Variants in STIM1 observed in about 807,000 individuals in gnomAD.
STIM1 encodes stromal interaction molecule 1.
A neutral mutation model predicts 74.7 loss-of-function variants in STIM1; 25 were observed. That is an observed-to-expected ratio of 0.33 (90% CI 0.24 to 0.47). The LOEUF is 0.47. Among genes scored for constraint, STIM1 ranks in the 20% least tolerant of loss-of-function variants. STIM1 has a pLI of 1.00. For synonymous variants in STIM1, 328 were observed against 348.8 expected (o/e 0.94, Z 0.66); for missense variants, 728 against 920.8 (o/e 0.79, Z 2.71).
chr11:4,048,319 A>G (rs1157977227), intron 3 of STIM1, among the ~76,000 whole-genome samples: 1 of 152,244 alleles, frequency 6.6e-6, no homozygotes, highest in Non-Finnish European at 1.5e-5. Context: ...TATTTTTATT[A>G]TAATGTTATT....
chr11:3,958,394 T>G (rs2093243862), intron 1 of STIM1, among the ~76,000 whole-genome samples: 1 of 152,012 alleles, frequency 6.6e-6, no homozygotes, highest in Non-Finnish European at 1.5e-5. Context: ...TGTGTTAGTG[T>G]TGCTTGGGCA....
chr11:4,004,197 A>G (rs1415347417), intron 2 of STIM1, among the ~76,000 whole-genome samples: 1 of 152,240 alleles, frequency 6.6e-6, no homozygotes, highest in Non-Finnish European at 1.5e-5. Flanking sequence ...TGCCATCCCC[A>G]TCAAACTACC....
chr11:3,904,156 C>G (rs1249482232), intron 1 of STIM1, among the ~76,000 whole-genome samples: 1 of 138,646 alleles, frequency 7.2e-6, no homozygotes, highest in Non-Finnish European at 1.5e-5. Flanking sequence ...GAGATCGCTC[C>G]ACTGTACTCC....
intron 7 of STIM1, among the ~76,000 whole-genome samples, chr11:4,075,341 A>G (rs2094431773): frequency 6.6e-6 from 1 of 152,222 alleles, no homozygotes; most frequent in Non-Finnish European, 1.5e-5. Context: ...ACCCAGATCA[A>G]GATACAGAAC....
chr11:4,034,351 G>T (rs2094081357), intron 3 of STIM1, among the ~76,000 whole-genome samples: 1 of 152,156 alleles, frequency 6.6e-6, no homozygotes, highest in Middle Eastern at 3.4e-3. Context: ...ATAGATACTG[G>T]ATTTTATCAA....
In STIM1 at chr11:3,980,633, C is replaced by T. The variant is rs150279390; in HGVS notation, c.270+12951C>T. 3.7e-3 allele frequency among the ~76,000 whole-genome samples: 540 copies of T among 145,564 alleles called. 5 individuals carry two copies. In the South Asian group the frequency reaches 0.04, roughly 11 times the overall value. The stretch of plus-strand genomic sequence containing the variant: ...TTTAAAAAAAAAAAAAAAAAACCCA[C>T]ACATTTCAGTGCAATGCCTGGAACA... On this transcript the variant is annotated intron_variant, in intron 2 of 12. Transcript: ENST00000526596.
At chr11:4,076,981 G>A (rs1461602614) in intron 7 of STIM1, among the ~76,000 whole-genome samples, 29 of 151,644 alleles carry the variant, frequency 1.9e-4, no homozygotes. Flanking sequence ...GGCAAAGATT[G>A]TCAGATTGGA....
At chr11:4,038,193 C>A (rs566750027) in intron 3 of STIM1, among the ~76,000 whole-genome samples, 48 of 152,064 alleles carry the variant, frequency 3.2e-4, no homozygotes, top group African/African-American at 1.1e-3. Context: ...TGCCACTACG[C>A]CCAGCTAATT....
At chr11:3,922,075 G>C (rs2092724399) in intron 1 of STIM1, among the ~76,000 whole-genome samples, 1 of 152,086 alleles carries the variant, frequency 6.6e-6, no homozygotes, top group South Asian at 2.1e-4. Flanking sequence ...ATTGTTTTAA[G>C]CAACTAAATT....
chr11:3,969,434 A>G (rs1590610215), intron 2 of STIM1, among the ~76,000 whole-genome samples: 1 of 152,222 alleles, frequency 6.6e-6, no homozygotes, highest in African/African-American at 2.4e-5. Flanking sequence ...GTGCACTATG[A>G]TCATGCCATT....
At chr11:3,983,845 C>T (rs1474901226) in intron 2 of STIM1, among the ~76,000 whole-genome samples, 1 of 151,934 alleles carries the variant, frequency 6.6e-6, no homozygotes, top group African/African-American at 2.4e-5. Flanking sequence ...TTTTCTCTTT[C>T]TGCTCCTCCT....
At chr11:3,908,435 AC>A (rs2092503798) in intron 1 of STIM1, among the ~76,000 whole-genome samples, 1 of 152,020 alleles carries the variant, frequency 6.6e-6, no homozygotes, top group Admixed American at 6.6e-5. Flanking sequence ...ACCCGGTGAA[AC>A]CCTGTCTCTA....
At chr11:3,957,905 C>T (rs917138915) in intron 1 of STIM1, among the ~76,000 whole-genome samples, 1 of 151,204 alleles carries the variant, frequency 6.6e-6, no homozygotes, top group African/African-American at 2.4e-5. Context: ...CTCACTCTGT[C>T]GCCAGGCTGG....
At chr11:3,917,539 A>T (rs12802286) in intron 1 of STIM1, among the ~76,000 whole-genome samples, 309 of 151,072 alleles carry the variant, frequency 2.0e-3, no homozygotes, top group Middle Eastern at 0.014. Flanking sequence ...GGTTCAAACG[A>T]TCCTCCCACC....
At chr11:3,957,106 G>A (rs1485101632) in intron 1 of STIM1, among the ~76,000 whole-genome samples, 1 of 152,088 alleles carries the variant, frequency 6.6e-6, no homozygotes, top group East Asian at 1.9e-4. Flanking sequence ...ATCACAAGCT[G>A]TGTCCTCAGA....
chr11:3,985,262 C>T (rs766186699), intron 2 of STIM1, among the ~76,000 whole-genome samples: 4 of 152,102 alleles, frequency 2.6e-5, no homozygotes, highest in Non-Finnish European at 5.9e-5. Context: ...CTGTCGATGA[C>T]AGGGATGAGA....
intron 2 of STIM1, among the ~76,000 whole-genome samples, chr11:4,007,480 A>G (rs1409890453): frequency 6.6e-6 from 1 of 152,188 alleles, no homozygotes; most frequent in Admixed American, 6.5e-5. Context: ...ACAGCTCAAT[A>G]TAATATTCTT....
At chr11:4,086,607 C>A (rs1263146976) in intron 12 of STIM1, 64 bp downstream of exon 12, 4 of 1,604,346 alleles carry the variant, frequency 2.5e-6, no homozygotes, top group African/African-American at 2.7e-5. Context: ...GAATGCGCAG[C>A]CTTTCATCTG....
intron 3 of STIM1, among the ~76,000 whole-genome samples, chr11:4,030,590 AGTT>A (rs1404376230): frequency 6.6e-6 from 1 of 152,210 alleles, no homozygotes; most frequent in Non-Finnish European, 1.5e-5. Context: ...CTCAGACATT[AGTT>A]GTTTGCTGCT....
Sources: gnomAD v4.1 joint callset for allele counts (sites outside exome capture counted in the v4.1 genomes callset) on GRCh38, gnomAD v4.1.1 for gene constraint, MANE v1.5 for transcripts, NCBI Gene and HGNC (gene_info 2026-07-23, HGNC 2026-07-21) for gene names.